The following DDHD2 variants were observed in gnomAD, a reference collection of about 807,000 sequenced individuals.
The protein encoded by DDHD2 is triacylglycerol hydrolase DDHD2.
In DDHD2, 62 loss-of-function variants were observed where a neutral mutation model predicts 91.2. The observed-to-expected ratio is 0.68, with a 90% CI of 0.55 to 0.84. The LOEUF (loss-of-function observed/expected upper bound fraction) is 0.84. DDHD2 is among the 40% of genes least tolerant of loss of function. The probability of loss-of-function intolerance (pLI) is 0.00; values close to 1 mark genes in which losing one functional copy is unlikely to be tolerated. For synonymous variants in DDHD2, 271 were observed against 293.9 expected, an observed-to-expected ratio of 0.92 and a Z score of 0.80; for missense variants, 740 against 846.9, an observed-to-expected ratio of 0.87 and a Z score of 1.57.
At chr8:38,266,540 C>G, downstream of DDHD2, 1 of 427,552 alleles carries the variant, frequency 2.3e-6, no homozygotes, top group Non-Finnish European at 4.2e-6. Flanking sequence ...AGCTGGGACT[C>G]CATGTGTGTG....
intron 3 of DDHD2, among the ~76,000 whole-genome samples, chr8:38,236,142 AGCTGGGACTACAGG>A (rs1804725134): frequency 6.6e-6 from 1 of 151,424 alleles, no homozygotes. Context: ...CCTCCCAAGT[AGCTGGGACTACAGG>A]CGCCCGCCAC....
chr8:38,256,478 G>T (rs1806519077), intron 16 of DDHD2, among the ~76,000 whole-genome samples: 1 of 151,934 alleles, frequency 6.6e-6, no homozygotes, highest in South Asian at 2.1e-4. Context: ...GTGCCACTGG[G>T]CCTAATTTTT....
At chr8:38,267,174 G>A (rs1807751454), downstream of DDHD2, 3 of 1,607,736 alleles carry the variant, frequency 1.9e-6, no homozygotes, top group African/African-American at 1.3e-5. Context: ...GTAGAAACAA[G>A]AGTAGTCAGA....
At chr8:38,270,812 T>G (rs2130970363) in intron 1 of DDHD2, 1 of 152,368 alleles carries the variant, frequency 6.6e-6, no homozygotes, top group East Asian at 1.9e-4. Context: ...TGTAAATTAC[T>G]TTTACAGCCT....
In DDHD2 at chr8:38,252,285, C is replaced by T; in HGVS notation, c.1615C>T (p.Pro539Ser). 6.2e-7 allele frequency: 1 copy of T among 1,611,138 alleles called. No homozygotes were observed. Among genetic ancestry groups the T allele is most frequent in the Non-Finnish European group, 8.5e-7 (1 of 1,179,026 alleles). ...TCKGFFNIYH[P>S]FDPVAYRIEP... is the part of the protein sequence containing the mutation. Reference sequence around the variant, plus strand: ...CAAAGGTTTCTTCAATATTTATCACCCTGTAAGCATTGTACAGCTATTGTG... The same window carrying T: ...CAAAGGTTTCTTCAATATTTATCACTCTGTAAGCATTGTACAGCTATTGTG... The change falls in exon 13 of 18, where the codon CCT (proline) becomes TCT (serine). Residue 539 changes from proline (P) to serine (S), a missense_variant and splice_region_variant. This residue lies in a region of DDHD2 where 693 missense variants were observed against 764.2 expected (regional missense o/e 0.91). Coordinates refer to ENST00000397166, the MANE Select transcript of DDHD2 (RefSeq NM_015214.3).
intron 16 of DDHD2, among the ~76,000 whole-genome samples, chr8:38,259,811 C>T (rs1806835600): frequency 6.6e-6 from 1 of 152,224 alleles, no homozygotes; most frequent in African/African-American, 2.4e-5. Flanking sequence ...TGAGCCACCG[C>T]ACCTGGCCTC....
intron 1 of DDHD2, 124 bp from the exon 2 acceptor site, chr8:38,232,863 T>C (rs1286194222): frequency 3.1e-6 from 2 of 649,826 alleles, no homozygotes; most frequent in Non-Finnish European, 5.3e-6. Flanking sequence ...TTTTAAATTA[T>C]GTAGATTTTG....
chr8:38,265,126 C>T (rs1335381112), downstream of DDHD2: 7 of 560,762 alleles, frequency 1.2e-5, no homozygotes, highest in Admixed American at 1.6e-4. Flanking sequence ...ATTAGCCGGG[C>T]GTGGTGGCAT....
chr8:38,247,968 A>T (rs1021498923), intron 10 of DDHD2, 133 bp downstream of exon 10: 1 of 713,038 alleles, frequency 1.4e-6, no homozygotes, highest in Admixed American at 3.6e-5. Context: ...AGCATTATTT[A>T]TTTGCTTTTT....
At chr8:38,273,637 G>C (rs555282276), downstream of DDHD2, 204 of 152,290 alleles carry the variant, frequency 1.3e-3, no homozygotes, top group African/African-American at 4.7e-3. Flanking sequence ...TAAAATTTTA[G>C]TATGATAAAA....
In DDHD2 at chr8:38,260,166, T is replaced by C. The variant is rs1356001834; in HGVS notation, c.*26+19T>C. The C allele has an allele frequency of 1.7e-5, 22 of 1,293,534 alleles. No homozygotes were observed. Among genetic ancestry groups the C allele is most frequent in the Admixed American group, 5.2e-5 (3 of 58,238 alleles). 80.1% of individuals were successfully genotyped at this position (1,293,534 alleles called of 1,614,324 possible). A position where few individuals can be genotyped will look rare whatever the true frequency, so the allele number is the denominator to read the frequency against. On this transcript the variant is annotated intron_variant, in intron 17 of 17. Coordinates refer to ENST00000397166, the MANE Select transcript of DDHD2 (RefSeq NM_015214.3). ...GCTTAATGTAAGTTTTAAAATGTCA[T>C]ATATATAGTGTAATTCTTACATATT...
intron 11 of DDHD2, chr8:38,250,712 G>A (rs1806045991): frequency 6.6e-6 from 1 of 151,728 alleles, no homozygotes; most frequent in South Asian, 2.1e-4. Flanking sequence ...CCCTTTTAAA[G>A]TTTACAATTT....
intron 3 of DDHD2, among the ~76,000 whole-genome samples, chr8:38,234,844 T>G (rs1804583916): frequency 6.6e-6 from 1 of 151,726 alleles, no homozygotes; most frequent in Admixed American, 6.6e-5. Context: ...CTTGGCTCAC[T>G]GCAACCTCCA....
Position 38,242,248 on chromosome 8 carries a change from A to G in DDHD2, c.713-2A>G. 1 of 1,580,516 alleles carries G rather than the reference A, an allele frequency of 6.3e-7. No homozygotes were observed. ...GATGCATAAGTTAATTTTCTTTTCC[A>G]GTTAATGATTTTCGCAGTGTTTCCT... is the stretch of plus-strand genomic sequence containing the variant. On this transcript the variant is annotated splice_acceptor_variant, in intron 6 of 17. Transcript: ENST00000397166. LOFTEE classifies it high-confidence loss of function.
intron 5 of DDHD2, 172 bp downstream of exon 5, chr8:38,238,381 A>G (rs1804973647): frequency 1.4e-6 from 2 of 1,390,154 alleles, no homozygotes; most frequent in Admixed American, 6.3e-5. Context: ...ATCTTAATAG[A>G]TGTAAAAATA....
intron 5 of DDHD2, chr8:38,238,554 A>G (rs768376307): frequency 2.6e-5 from 27 of 1,044,018 alleles, no homozygotes; most frequent in Non-Finnish European, 3.1e-5. Flanking sequence ...AAGATTTTCA[A>G]CTAAGGAAAA....
chr8:38,269,210 G>C (rs1290132879), intron 1 of DDHD2: 4 of 1,496,566 alleles, frequency 2.7e-6, no homozygotes, highest in Non-Finnish European at 2.7e-6. Context: ...CCGGCCGCGA[G>C]CTCCGAGCGA....
downstream of DDHD2, chr8:38,273,401 G>A (rs958960729): frequency 3.9e-5 from 6 of 152,110 alleles, no homozygotes; most frequent in African/African-American, 1.2e-4. Flanking sequence ...AAAACAAAAT[G>A]TGACACAATG....
chr8:38,242,199 C>G, intron 6 of DDHD2, 51 bp from the exon 7 acceptor site: 1 of 1,418,548 alleles, frequency 7.0e-7, no homozygotes, highest in Non-Finnish European at 9.6e-7. Context: ...CATCCAGATT[C>G]TACAGATTTG....
Sources: gnomAD v4.1 joint callset for allele counts (sites outside exome capture counted in the v4.1 genomes callset) on GRCh38, gnomAD v4.1.1 for gene constraint, gnomAD v4.1.1 regional missense constraint, MANE v1.5 for transcripts, NCBI Gene and HGNC (gene_info 2026-07-23, HGNC 2026-07-21) for gene names.